PCNX1: variants seen among roughly 807,000 people sequenced by gnomAD.
PCNX1 encodes pecanex-like protein 1.
PCNX1 carries 78 observed loss-of-function variants against 242.2 expected under a neutral mutation model. The ratio of observed to expected loss-of-function variants is 0.32; its 90% CI spans 0.27 to 0.39. The LOEUF is 0.39. Ranked by LOEUF, PCNX1 falls within the 10% of genes least tolerant of loss-of-function variation. The pLI is 1.00. For synonymous variants in PCNX1, 1,024 were observed against 1,032.9 expected, an observed-to-expected ratio of 0.99 and a Z score of 0.17; for missense variants, 2,581 against 2,856.5, an observed-to-expected ratio of 0.90 and a Z score of 2.20.
chr14:70,984,036 A>G (rs1278058390), intron 6 of PCNX1, among the ~76,000 whole-genome samples: 11 of 151,380 alleles, frequency 7.3e-5, no homozygotes, highest in African/African-American at 2.7e-4. Flanking sequence ...GAACATTACA[A>G]TGTGTTTCAG....
chr14:70,947,113 A>C lies in PCNX1; in HGVS notation c.352A>C (p.Asn118His). 1 of 1,608,926 alleles carries C rather than the reference A, an allele frequency of 6.2e-7. No homozygotes were observed. Among genetic ancestry groups the C allele is most frequent in the East Asian group, 2.2e-5 (1 of 44,756 alleles). The change falls in exon 2 of 36, where the codon AAT (asparagine) becomes CAT (histidine). Residue 118 changes from asparagine (N) to histidine (H), a missense_variant. Asn to His is a moderately conservative substitution (Grantham distance 68). This residue lies in a region of PCNX1 where 1,204 missense variants were observed against 1,216.7 expected (regional missense o/e 0.99). Transcript: ENST00000304743. ...GNCSTRRKDSNGPSDPGGGIE... is the reference protein window; with the variant it reads ...GNCSTRRKDSHGPSDPGGGIE... ...CTGTTCAACCAGGAGAAAAGACAGC[A>C]ATGGACCGAGGTAAGGAAACCTATG...
At chr14:70,985,853 A>G (rs1053351015) in intron 6 of PCNX1, among the ~76,000 whole-genome samples, 7 of 152,230 alleles carry the variant, frequency 4.6e-5, no homozygotes, top group African/African-American at 1.7e-4. Flanking sequence ...CTCCAAAAAC[A>G]GTTTTTAAAG....
At chr14:71,058,290 G>A (rs1230687617) in intron 26 of PCNX1, among the ~76,000 whole-genome samples, 1 of 152,136 alleles carries the variant, frequency 6.6e-6, no homozygotes, top group Non-Finnish European at 1.5e-5. Context: ...ATAAAACGGT[G>A]TACCCATTAA....
chr14:70,993,784 CTACT>C (rs2059243812), intron 7 of PCNX1, among the ~76,000 whole-genome samples: 2 of 152,148 alleles, frequency 1.3e-5, no homozygotes, highest in African/African-American at 4.8e-5. Context: ...ACCTGAACTA[CTACT>C]TAAACATTTT....
intron 5 of PCNX1, among the ~76,000 whole-genome samples, chr14:70,971,778 C>A (rs2058549344): frequency 6.6e-6 from 1 of 152,148 alleles, no homozygotes; most frequent in Non-Finnish European, 1.5e-5. Flanking sequence ...AGGGGAGGGG[C>A]CCCCTCCACG....
intron 2 of PCNX1, among the ~76,000 whole-genome samples, chr14:70,953,329 A>G (rs1458069537): frequency 6.6e-6 from 1 of 152,100 alleles, no homozygotes; most frequent in African/African-American, 2.4e-5. Flanking sequence ...TGTGACTTTC[A>G]GTTAAGCTTT....
At chr14:70,916,569 T>G (rs910235532) in intron 1 of PCNX1, among the ~76,000 whole-genome samples, 1 of 152,222 alleles carries the variant, frequency 6.6e-6, no homozygotes, top group Non-Finnish European at 1.5e-5. Flanking sequence ...TATGCTGTAG[T>G]CTGTTAAGTG....
At chr14:70,982,445 C>G (rs2058865498) in intron 6 of PCNX1, among the ~76,000 whole-genome samples, 2 of 152,148 alleles carry the variant, frequency 1.3e-5, no homozygotes, top group African/African-American at 4.8e-5. Flanking sequence ...AATGCAGGGA[C>G]AGACTATCAT....
Position 71,052,026 on chromosome 14 carries a change from A to G in PCNX1, c.4577+14A>G, listed in dbSNP as rs776669660. ...GAGAGACTATAAGTGAGTAAAGTAA[A>G]ACACTTGAAAAACAATTTTTATCTT... On this transcript the variant is annotated intron_variant, in intron 24 of 35. Transcript: ENST00000304743. 1.9e-6 allele frequency: 3 copies of G among 1,591,014 alleles called. No homozygotes were observed. The highest frequency in any genetic ancestry group is 2.6e-6 in the Non-Finnish European group (3 of 1,169,478).
Position 71,073,581 on chromosome 14 carries a change from C to G in PCNX1, c.4889C>G (p.Thr1630Ser), listed in dbSNP as rs1486806439. ...YCQQREVEAITEGVEEDEGFC... is the reference protein window; with the variant it reads ...YCQQREVEAISEGVEEDEGFC... ...CAACAACGGGAAGTGGAGGCCATTA[C>G]TGAAGGTGTAGAGGAAGATGAAGGA... The change falls in exon 27 of 36, where the codon ACT becomes AGT. Residue 1630 changes from threonine to serine, a missense_variant. Transcript: ENST00000304743. The G allele has an allele frequency of 6.2e-7, 1 of 1,613,472 alleles. No homozygotes were observed. The highest frequency in any genetic ancestry group is 1.3e-5 in the African/African-American group (1 of 74,876).
chr14:71,031,762 A>C (rs2060391068), intron 16 of PCNX1: 1 of 1,341,806 alleles, frequency 7.5e-7, no homozygotes, highest in Non-Finnish European at 1.1e-6. Flanking sequence ...ATTTTTGGGA[A>C]ACTTCTCAGC....
chr14:71,036,460 G>C (rs914054632), intron 19 of PCNX1, among the ~76,000 whole-genome samples: 2 of 152,060 alleles, frequency 1.3e-5, no homozygotes, highest in African/African-American at 2.4e-5. Context: ...TTACAGATGT[G>C]AGCTACTTCA....
rs79876701 is a variant in PCNX1, at chr14:70,999,786, A to G, written c.2629+3861A>G. 8.7e-3 allele frequency among the ~76,000 whole-genome samples: 1,320 copies of G among 152,274 alleles called. 10 individuals carry two copies. The highest frequency in any genetic ancestry group is 0.012 in the Non-Finnish European group (844 of 67,990). Reference sequence around the variant, plus strand: ...TAATTTGGAAGCTTTTAGATTTTCTACTTTAAAAAGCAGAGACTCAGGTGA... The same window carrying G: ...TAATTTGGAAGCTTTTAGATTTTCTGCTTTAAAAAGCAGAGACTCAGGTGA... On this transcript the variant is annotated intron_variant, in intron 8 of 35. Coordinates refer to ENST00000304743, the MANE Select transcript of PCNX1 (RefSeq NM_014982.3).
rs113518792 is a variant in PCNX1 at position 71,073,004 on chromosome 14, C to G, written c.4853-541C>G. ...TCAAAATTAAAGTTACTTTACCACACGAATTATCAGACCCGTAGTGTGAGT... is the reference window on the plus strand; with the variant it reads ...TCAAAATTAAAGTTACTTTACCACAGGAATTATCAGACCCGTAGTGTGAGT... On this transcript the variant is annotated intron_variant, in intron 26 of 35. Coordinates refer to ENST00000304743, the MANE Select transcript of PCNX1 (RefSeq NM_014982.3). Among the ~76,000 whole-genome samples, 1,215 of 152,294 alleles carry G rather than the reference C, an allele frequency of 8.0e-3. 10 individuals carry two copies. The highest frequency in any genetic ancestry group is 0.024 in the Middle Eastern group (7 of 294).
At chr14:70,957,201 C>G (rs185644551) in intron 2 of PCNX1, among the ~76,000 whole-genome samples, 199 of 152,170 alleles carry the variant, frequency 1.3e-3, no homozygotes, top group African/African-American at 4.6e-3. Flanking sequence ...GTTGCCCAGT[C>G]TGGTCTCGAA....
intron 1 of PCNX1, among the ~76,000 whole-genome samples, chr14:70,924,245 AAAAAG>A (rs1281266889): frequency 7.3e-5 from 11 of 151,514 alleles, no homozygotes; most frequent in African/African-American, 1.5e-4. Context: ...AAAAAAAAAA[AAAAAG>A]AAAAAGAAAA....
At chr14:70,912,982 C>T (rs2140021843) in intron 1 of PCNX1, among the ~76,000 whole-genome samples, 2 of 152,342 alleles carry the variant, frequency 1.3e-5, no homozygotes, top group Middle Eastern at 6.8e-3. Context: ...GAGGCTGAGC[C>T]TGATAACCAT....
At chr14:71,069,681 T>G (rs1175567394) in intron 26 of PCNX1, among the ~76,000 whole-genome samples, 1 of 152,228 alleles carries the variant, frequency 6.6e-6, no homozygotes. Flanking sequence ...AAAGAAAGAA[T>G]GTACTACATA....
At position 70,910,049 on chromosome 14, in the gene PCNX1, T is replaced by C. The variant is rs148043044; in HGVS notation, c.153+2046T>C. ...GACTCCTCCCTCCTCCTCCTCCTCC[T>C]CCTCCTCCTCCTCCCCCTCCTCCTC... On this transcript the variant is annotated intron_variant, in intron 1 of 35. Transcript: ENST00000304743. 3.3e-3 allele frequency among the ~76,000 whole-genome samples: 203 copies of C among 62,426 alleles called. 1 individual carries two copies. Among genetic ancestry groups the C allele is most frequent in the African/African-American group, 0.013 (174 of 13,540 alleles). 41.0% of individuals were successfully genotyped at this position (62,426 alleles called of 152,430 possible). A position where few individuals can be genotyped will look rare whatever the true frequency, so the allele number is the denominator to read the frequency against.
Sources: gnomAD v4.1 joint callset for allele counts (sites outside exome capture counted in the v4.1 genomes callset) on GRCh38, gnomAD v4.1.1 for gene constraint, gnomAD v4.1.1 regional missense constraint, MANE v1.5 for transcripts, NCBI Gene and HGNC (gene_info 2026-07-23, HGNC 2026-07-21) for gene names.